Variants in MIR2052HG observed in about 807,000 individuals in gnomAD.
The protein encoded by MIR2052HG is MIR2052 host gene.
At chr8:74,604,305 G>A (rs1282589238) in intron 1 of MIR2052HG, 6 of 698,856 alleles carry the variant, frequency 8.6e-6, no homozygotes, top group African/African-American at 1.8e-5. Context: ...ACTGATGGGG[G>A]GTGAAAGCCA....
chr8:74,741,856 T>C (rs920696995), intron 4 of MIR2052HG, among the ~76,000 whole-genome samples: 1 of 152,114 alleles, frequency 6.6e-6, no homozygotes, highest in African/African-American at 2.4e-5. Flanking sequence ...CAATGTGGCA[T>C]GAAATGCACC....
At chr8:74,628,489 C>T (rs956984947) in intron 2 of MIR2052HG, among the ~76,000 whole-genome samples, 1 of 152,126 alleles carries the variant, frequency 6.6e-6, no homozygotes, top group African/African-American at 2.4e-5. Context: ...GGTGAGCTTC[C>T]TTTTTCAGCC....
Position 74,708,593 on chromosome 8 carries a change from G to A in MIR2052HG, n.371+4911G>A, listed in dbSNP as rs549377237. ...CCCTCCTTTGTTACTCTTCTCACTCGTTAAATGAAAGCATATTTCATCATG... is the reference window on the plus strand; with the variant it reads ...CCCTCCTTTGTTACTCTTCTCACTCATTAAATGAAAGCATATTTCATCATG... On this transcript the variant is annotated intron_variant and non_coding_transcript_variant, in intron 4 of 6. Transcript: ENST00000523442. Among the ~76,000 whole-genome samples the A allele has an allele frequency of 7.7e-4, 117 of 151,958 alleles. 1 individual carries two copies. The highest frequency in any genetic ancestry group is 2.4e-3 in the African/African-American group (100 of 41,438).
chr8:74,608,211 G>C (rs890454123), intron 1 of MIR2052HG, among the ~76,000 whole-genome samples: 2 of 150,942 alleles, frequency 1.3e-5, no homozygotes, highest in East Asian at 3.9e-4. Context: ...GAGCTTCTAA[G>C]CACATAATTA....
chr8:74,690,114 C>G (rs56197601), intron 2 of MIR2052HG, among the ~76,000 whole-genome samples: 3,569 of 152,262 alleles, frequency 0.023, 143 homozygotes, highest in African/African-American at 0.082. Context: ...AGCCATCATC[C>G]TATTTTCTAA....
At chr8:74,753,532 C>T (rs1809969906) in intron 5 of MIR2052HG, among the ~76,000 whole-genome samples, 1 of 152,184 alleles carries the variant, frequency 6.6e-6, no homozygotes, top group South Asian at 2.1e-4. Flanking sequence ...CATTCCTTCG[C>T]ATCGTGGCCA....
chr8:74,619,280 G>A (rs1586891906), intron 2 of MIR2052HG, among the ~76,000 whole-genome samples: 3 of 152,022 alleles, frequency 2.0e-5, no homozygotes, highest in South Asian at 2.1e-4. Flanking sequence ...TCTAAAATTT[G>A]TATGGAACCA....
chr8:74,632,504 T>C lies in MIR2052HG; in HGVS notation n.216+19564T>C, dbSNP rs899435581. 3.3e-5 allele frequency: 5 copies of C among 152,014 alleles called. No individual in the cohort carries two copies. The East Asian group carries it at 9.7e-4, about 29-fold the overall frequency. 9.4% of individuals were successfully genotyped at this position (152,014 alleles called of 1,614,324 possible). On this transcript the variant is annotated intron_variant and non_coding_transcript_variant, in intron 2 of 6. Coordinates refer to ENST00000523442, the Ensembl canonical transcript of MIR2052HG. Reference sequence around the variant, plus strand: ...TTCTCTGAGGTGCTGTTATCTTACCTAGGGATTGAAAAAAAAACTTACTTA... The same window carrying C: ...TTCTCTGAGGTGCTGTTATCTTACCCAGGGATTGAAAAAAAAACTTACTTA...
chr8:74,726,449 A>G (rs1399676943), intron 4 of MIR2052HG, among the ~76,000 whole-genome samples: 1 of 152,226 alleles, frequency 6.6e-6, no homozygotes, highest in African/African-American at 2.4e-5. Flanking sequence ...GTTCTCAAAA[A>G]GTTCCCTTTC....
In MIR2052HG at chr8:74,695,128, C is replaced by T. The variant is rs184751971; in HGVS notation, n.217-7251C>T. On this transcript the variant is annotated intron_variant and non_coding_transcript_variant, in intron 2 of 6. Transcript: ENST00000523442. The stretch of plus-strand genomic sequence containing the variant: ...GACTTCTCAGCAGAAACCTTACAAG[C>T]TGGAAAGGATTTGTGCCCTATCTTT... 1.8e-3 allele frequency among the ~76,000 whole-genome samples: 278 copies of T among 152,252 alleles called. No individual in the cohort carries two copies. In the Middle Eastern group the frequency reaches 0.02, roughly 11 times the overall value.
At chr8:74,634,931 T>C (rs1008940409) in intron 2 of MIR2052HG, among the ~76,000 whole-genome samples, 1 of 152,214 alleles carries the variant, frequency 6.6e-6, no homozygotes, top group African/African-American at 2.4e-5. Flanking sequence ...ATGGACATTA[T>C]GTCAGGAATA....
intron 2 of MIR2052HG, among the ~76,000 whole-genome samples, chr8:74,678,577 A>C (rs1184851689): frequency 2.0e-5 from 3 of 150,498 alleles, no homozygotes; most frequent in Non-Finnish European, 3.0e-5. Flanking sequence ...AAAAAAAAAA[A>C]AAAAAAAAAA....
chr8:74,679,346 T>G (rs1809092564), intron 2 of MIR2052HG, among the ~76,000 whole-genome samples: 1 of 152,048 alleles, frequency 6.6e-6, no homozygotes, highest in Non-Finnish European at 1.5e-5. Flanking sequence ...CACATGATAT[T>G]TGGTTTTCCA....
chr8:74,621,975 T>G (rs1419213618), intron 2 of MIR2052HG, among the ~76,000 whole-genome samples: 2 of 152,196 alleles, frequency 1.3e-5, no homozygotes, highest in Non-Finnish European at 2.9e-5. Context: ...TAAAAGCTCT[T>G]TGACACTGGT....
At chr8:74,615,606 C>T (rs1045650650) in intron 2 of MIR2052HG, among the ~76,000 whole-genome samples, 1 of 151,880 alleles carries the variant, frequency 6.6e-6, no homozygotes, top group Non-Finnish European at 1.5e-5. Context: ...CTTGTGTTCT[C>T]ATCTTCTTTT....
At chr8:74,611,892 C>G (rs1423755747) in intron 1 of MIR2052HG, among the ~76,000 whole-genome samples, 1 of 152,170 alleles carries the variant, frequency 6.6e-6, no homozygotes, top group African/African-American at 2.4e-5. Context: ...GTTTGCCTGA[C>G]TTGGGTGTGA....
chr8:74,609,856 A>G (rs1486504909), intron 1 of MIR2052HG: 1 of 151,432 alleles, frequency 6.6e-6, no homozygotes, highest in Non-Finnish European at 1.5e-5. Context: ...CATAATACTT[A>G]ATGGTGAAAG....
intron 4 of MIR2052HG, among the ~76,000 whole-genome samples, chr8:74,708,289 T>C (rs1210727757): frequency 1.3e-5 from 2 of 152,166 alleles, no homozygotes; most frequent in South Asian, 2.1e-4. Flanking sequence ...TGACTAATTT[T>C]AGTTGTATCA....
chr8:74,656,087 A>G (rs1368445030), intron 2 of MIR2052HG, among the ~76,000 whole-genome samples: 2 of 152,098 alleles, frequency 1.3e-5, no homozygotes, highest in Non-Finnish European at 2.9e-5. Context: ...TCCCATTTGG[A>G]ATGGCTGTAT....
Sources: gnomAD v4.1 joint callset for allele counts (sites outside exome capture counted in the v4.1 genomes callset) on GRCh38, gnomAD v4.1.1 for gene constraint, MANE v1.5 for transcripts, NCBI Gene and HGNC (gene_info 2026-07-23, HGNC 2026-07-21) for gene names.